KCNJ3: variants seen among roughly 807,000 people sequenced by gnomAD.
KCNJ3 encodes G protein-activated inward rectifier potassium channel 1.
KCNJ3 carries 4 observed loss-of-function variants against 39.2 expected under a neutral mutation model. That is an observed-to-expected ratio of 0.10 (90% CI 0.05 to 0.23). KCNJ3 has a LOEUF of 0.23. Ranked by LOEUF, KCNJ3 falls within the 10% of genes least tolerant of loss-of-function variation. The pLI, the probability that KCNJ3 is intolerant of heterozygous loss-of-function variation, is 1.00. For synonymous variants in KCNJ3, 230 were observed against 237.4 expected, an observed-to-expected ratio of 0.97 and a Z score of 0.29; for missense variants, 276 against 634.9, an observed-to-expected ratio of 0.43 and a Z score of 6.08.
At chr2:154,719,153 C>G (rs1447140727) in intron 2 of KCNJ3, among the ~76,000 whole-genome samples, 6 of 152,114 alleles carry the variant, frequency 3.9e-5, no homozygotes, top group Non-Finnish European at 8.8e-5. Flanking sequence ...GTTAAAATGT[C>G]TGACGTTTGT....
chr2:154,752,117 T>C (rs1685855392), intron 2 of KCNJ3, among the ~76,000 whole-genome samples: 1 of 152,072 alleles, frequency 6.6e-6, no homozygotes, highest in African/African-American at 2.4e-5. Flanking sequence ...TTTCCTTTTA[T>C]ACATTTCCAT....
At chr2:154,726,206 A>T (rs1574436470) in intron 2 of KCNJ3, among the ~76,000 whole-genome samples, 1 of 152,100 alleles carries the variant, frequency 6.6e-6, no homozygotes, top group African/African-American at 2.4e-5. Context: ...ATTTTCGCAG[A>T]CTATGCATAT....
intron 2 of KCNJ3, among the ~76,000 whole-genome samples, chr2:154,787,020 T>G (rs1386295012): frequency 6.6e-6 from 1 of 152,150 alleles, no homozygotes; most frequent in African/African-American, 2.4e-5. Context: ...TTAATAATGA[T>G]AACGGTTGGC....
Position 154,757,506 on chromosome 2 carries a change from A to T in KCNJ3, c.919+47687A>T, listed in dbSNP as rs192252348. 1.2e-3 allele frequency among the ~76,000 whole-genome samples: 189 copies of T among 152,156 alleles called. 1 individual carries two copies. The highest frequency in any genetic ancestry group is 4.2e-3 in the African/African-American group (175 of 41,524). On this transcript the variant is annotated intron_variant, in intron 2 of 2. Transcript: ENST00000295101. ...CATATCTCCCCATTCTATATATTGC[A>T]TATTTTGTTGATTTTTTTCTCCACG...
At chr2:154,754,012 T>G (rs1160111319) in intron 2 of KCNJ3, among the ~76,000 whole-genome samples, 2 of 152,160 alleles carry the variant, frequency 1.3e-5, no homozygotes, top group African/African-American at 4.8e-5. Flanking sequence ...GAATCTTACT[T>G]GATTTTTGCC....
At chr2:154,738,376 A>G (rs1254216950) in intron 2 of KCNJ3, among the ~76,000 whole-genome samples, 2 of 152,096 alleles carry the variant, frequency 1.3e-5, no homozygotes, top group Admixed American at 1.3e-4. Flanking sequence ...GACTACAGTC[A>G]ATAATAACTT....
chr2:154,849,374 T>C (rs574410685), intron 2 of KCNJ3, among the ~76,000 whole-genome samples: 7 of 152,200 alleles, frequency 4.6e-5, no homozygotes, highest in Non-Finnish European at 7.3e-5. Flanking sequence ...GTACGTGTGA[T>C]AAAACACAGC....
intron 2 of KCNJ3, among the ~76,000 whole-genome samples, chr2:154,752,434 AGAAG>A (rs1685862372): frequency 6.6e-6 from 1 of 152,036 alleles, no homozygotes; most frequent in Admixed American, 6.6e-5. Flanking sequence ...GGAGCTTTAA[AGAAG>A]GATTTTAAAA....
At chr2:154,816,719 C>T (rs143497505) in intron 2 of KCNJ3, among the ~76,000 whole-genome samples, 2 of 152,206 alleles carry the variant, frequency 1.3e-5, no homozygotes, top group East Asian at 1.9e-4. Context: ...ATAACTTTCA[C>T]CATTAAACTT....
intron 2 of KCNJ3, among the ~76,000 whole-genome samples, chr2:154,806,632 G>A (rs537996129): frequency 1.3e-5 from 2 of 152,022 alleles, no homozygotes; most frequent in South Asian, 2.1e-4. Flanking sequence ...TGCCTCTCCC[G>A]AAAAAAACAC....
At position 154,719,462 on chromosome 2, in the gene KCNJ3, T is replaced by A. The variant is rs576887694; in HGVS notation, c.919+9643T>A. Among the ~76,000 whole-genome samples the A allele has an allele frequency of 1.1e-4, 16 of 152,206 alleles. No individual in the cohort carries two copies. The South Asian group carries it at 3.3e-3, about 32-fold the overall frequency. ...AAACAGTGAAAATCAAGAGTATGAA[T>A]TAAAATGCATGACTATTCATTACCA... On this transcript the variant is annotated intron_variant, in intron 2 of 2. Transcript: ENST00000295101.
rs57668487 is a variant in KCNJ3, at chr2:154,818,918, C to CTTTTTTT, written c.920-35783_920-35777dup. 6.7e-4 allele frequency among the ~76,000 whole-genome samples: 35 copies of CTTTTTTT among 52,432 alleles called. 3 individuals are homozygous for CTTTTTTT. The highest frequency in any genetic ancestry group is 1.2e-3 in the South Asian group (1 of 848). The allele number at this position is 52,432 out of a possible 152,430, so 34.4% of individuals were successfully genotyped here. On this transcript the variant is annotated intron_variant, in intron 2 of 2. Coordinates refer to ENST00000295101, the MANE Select transcript of KCNJ3 (RefSeq NM_002239.4). The stretch of plus-strand genomic sequence containing the variant: ...GAGCTTGAGCTGTAGCTGCAAAAGC[C>CTTTTTTT]TTTTTTTTTTTTTTTTTTTTTTTTT...
chr2:154,805,322 C>T (rs1686891229), intron 2 of KCNJ3, among the ~76,000 whole-genome samples: 1 of 152,010 alleles, frequency 6.6e-6, no homozygotes, highest in African/African-American at 2.4e-5. Context: ...TGTGTAAGTG[C>T]CTTGATAGGA....
chr2:154,816,779 G>T (rs1364966252), intron 2 of KCNJ3, among the ~76,000 whole-genome samples: 1 of 152,132 alleles, frequency 6.6e-6, no homozygotes, highest in Non-Finnish European at 1.5e-5. Flanking sequence ...GGTGATGTTT[G>T]CATGTAAGTA....
chr2:154,720,625 C>A (rs1407090116), intron 2 of KCNJ3, among the ~76,000 whole-genome samples: 1 of 151,940 alleles, frequency 6.6e-6, no homozygotes, highest in Non-Finnish European at 1.5e-5. Flanking sequence ...TGTGCTATAC[C>A]TTACCATTTA....
intron 2 of KCNJ3, among the ~76,000 whole-genome samples, chr2:154,794,125 A>C (rs936512493): frequency 1.3e-5 from 2 of 151,926 alleles, no homozygotes; most frequent in Non-Finnish European, 1.5e-5. Flanking sequence ...AATATATTCT[A>C]TAATTTTATG....
chr2:154,712,178 C>T (rs1030326841), intron 2 of KCNJ3, among the ~76,000 whole-genome samples: 25 of 152,294 alleles, frequency 1.6e-4, no homozygotes, highest in African/African-American at 5.8e-4. Context: ...TATAAAATCT[C>T]TGTATATTTC....
chr2:154,832,761 T>C (rs1405064928), intron 2 of KCNJ3, among the ~76,000 whole-genome samples: 1 of 152,210 alleles, frequency 6.6e-6, no homozygotes, highest in East Asian at 1.9e-4. Flanking sequence ...AATAATTTTA[T>C]CTTTGTTCAC....
chr2:154,836,669 A>G (rs1687470242), intron 2 of KCNJ3, among the ~76,000 whole-genome samples: 1 of 152,228 alleles, frequency 6.6e-6, no homozygotes, highest in Non-Finnish European at 1.5e-5. Flanking sequence ...CAAAATACAA[A>G]GCATTCCAAA....
Sources: gnomAD v4.1 joint callset for allele counts (sites outside exome capture counted in the v4.1 genomes callset) on GRCh38, gnomAD v4.1.1 for gene constraint, MANE v1.5 for transcripts, NCBI Gene and HGNC (gene_info 2026-07-23, HGNC 2026-07-21) for gene names.